The following RBFOX1 variants were observed in gnomAD, a reference collection of about 807,000 sequenced individuals.
RBFOX1 encodes the protein RNA binding protein fox-1 homolog 1.
Under a neutral mutation model 57.7 loss-of-function variants are expected in RBFOX1, and 8 were observed. That is an observed-to-expected ratio of 0.14 (90% confidence interval 0.08 to 0.25). The LOEUF (loss-of-function observed/expected upper bound fraction) is 0.25. Ranked by LOEUF, RBFOX1 falls within the 10% of genes least tolerant of loss-of-function variation. The pLI is 1.00. For missense variants in RBFOX1, 611 were observed against 548.5 expected (o/e 1.11, Z -1.14); for synonymous variants, 326 against 222.4 (o/e 1.47, Z -4.15).
rs527842951 is a variant in RBFOX1, at chr16:7,270,524, T to G, written c.27+218426T>G. 5.9e-5 allele frequency among the ~76,000 whole-genome samples: 9 copies of G among 152,332 alleles called. No individual in the cohort carries two copies. In the East Asian group the frequency reaches 1.7e-3, roughly 29 times the overall value. ...TAAGGGAAGGTACCATTGGGCAGTT[T>G]CAGACCTTCTTGCAATGCAGTGGTG... On this transcript the variant is annotated intron_variant, in intron 4 of 15. Transcript: ENST00000550418.
intron 2 of RBFOX1, among the ~76,000 whole-genome samples, chr16:5,573,906 A>G (rs982834361): frequency 2.6e-5 from 4 of 152,168 alleles, no homozygotes; most frequent in African/African-American, 4.8e-5. Flanking sequence ...GTGAGCTGTG[A>G]TCGCGCCACT....
At chr16:6,791,780 G>C (rs776487957) in intron 3 of RBFOX1, among the ~76,000 whole-genome samples, 2 of 152,046 alleles carry the variant, frequency 1.3e-5, no homozygotes, top group Non-Finnish European at 2.9e-5. Context: ...ATCAAACCAG[G>C]TGCAGGACCC....
At chr16:5,816,556 C>T (rs1358428962) in intron 3 of RBFOX1, among the ~76,000 whole-genome samples, 1 of 152,114 alleles carries the variant, frequency 6.6e-6, no homozygotes, top group East Asian at 1.9e-4. Flanking sequence ...AATCCCAGTA[C>T]TTTGGGAGGT....
chr16:5,285,813 C>T (rs952317207), intron 1 of RBFOX1, among the ~76,000 whole-genome samples: 8 of 152,102 alleles, frequency 5.3e-5, no homozygotes, highest in African/African-American at 1.7e-4. Flanking sequence ...TGCTCTGTCA[C>T]CAGGCTGGAG....
intron 2 of RBFOX1, among the ~76,000 whole-genome samples, chr16:6,438,636 C>G (rs1023765564): frequency 2.6e-5 from 4 of 152,094 alleles, no homozygotes; most frequent in African/African-American, 7.2e-5. Flanking sequence ...CTTATTTGAA[C>G]CCTCTGAGTT....
At chr16:6,795,571 G>C (rs2083816121) in intron 3 of RBFOX1, among the ~76,000 whole-genome samples, 1 of 152,008 alleles carries the variant, frequency 6.6e-6, no homozygotes, top group African/African-American at 2.4e-5. Context: ...TTCAAGACCA[G>C]CCTGGCCAAT....
intron 2 of RBFOX1, among the ~76,000 whole-genome samples, chr16:5,563,985 G>A (rs996294738): frequency 6.6e-6 from 1 of 152,116 alleles, no homozygotes; most frequent in African/African-American, 2.4e-5. Flanking sequence ...ACTGCTCCAA[G>A]TACTCAGTGT....
At chr16:5,821,779 A>T (rs1407047815) in intron 3 of RBFOX1, among the ~76,000 whole-genome samples, 2 of 152,178 alleles carry the variant, frequency 1.3e-5, no homozygotes, top group East Asian at 3.9e-4. Context: ...GTGTTTAGTG[A>T]GGGCTGCCCT....
At chr16:5,411,736 C>T (rs1010726855) in intron 1 of RBFOX1, among the ~76,000 whole-genome samples, 1 of 145,934 alleles carries the variant, frequency 6.9e-6, no homozygotes, top group African/African-American at 2.5e-5. Context: ...CCCATCTGTA[C>T]AAAAAAAAAA....
intron 4 of RBFOX1, among the ~76,000 whole-genome samples, chr16:7,128,745 G>A (rs916303280): frequency 6.6e-5 from 10 of 152,002 alleles, no homozygotes; most frequent in Non-Finnish European, 1.0e-4. Context: ...ATCACAAAGG[G>A]CTAGAACTGG....
Position 6,693,657 on chromosome 16 carries a change from T to G in RBFOX1, c.-16+39007T>G, listed in dbSNP as rs561482469. Among the ~76,000 whole-genome samples the G allele has an allele frequency of 2.0e-5, 3 of 150,208 alleles. No homozygotes were observed. The South Asian group carries it at 6.4e-4, about 32-fold the overall frequency. The stretch of plus-strand genomic sequence containing the variant: ...ACTACCATCACCACCACAATCATCA[T>G]CATCATCCTCATCTGCTACCATCAC... On this transcript the variant is annotated intron_variant, in intron 3 of 15. Transcript: ENST00000550418.
chr16:6,305,274 C>T (rs1317648685), intron 1 of RBFOX1, among the ~76,000 whole-genome samples: 1 of 152,214 alleles, frequency 6.6e-6, no homozygotes, highest in Non-Finnish European at 1.5e-5. Flanking sequence ...CGTACCAATA[C>T]TAACCCTCTC....
At chr16:7,038,071 T>C (rs2045058519) in intron 3 of RBFOX1, among the ~76,000 whole-genome samples, 1 of 151,034 alleles carries the variant, frequency 6.6e-6, no homozygotes, top group Non-Finnish European at 1.5e-5. Context: ...GGTATGTAAA[T>C]CCCCCACTTG....
intron 1 of RBFOX1, among the ~76,000 whole-genome samples, chr16:6,029,090 A>G (rs545000253): frequency 6.6e-6 from 1 of 151,260 alleles, no homozygotes; most frequent in African/African-American, 2.4e-5. Context: ...GTCACTTCTT[A>G]TTTTTTTTTA....
chr16:6,748,271 C>A (rs1047958363), intron 3 of RBFOX1, among the ~76,000 whole-genome samples: 1 of 152,088 alleles, frequency 6.6e-6, no homozygotes, highest in Non-Finnish European at 1.5e-5. Flanking sequence ...CTCTTTCTCT[C>A]TCTCTCTCTC....
At chr16:5,639,721 G>C (rs2048799851) in intron 3 of RBFOX1, among the ~76,000 whole-genome samples, 1 of 152,182 alleles carries the variant, frequency 6.6e-6, no homozygotes, top group Non-Finnish European at 1.5e-5. Flanking sequence ...GTGGGAGGCT[G>C]CTCGGCATTT....
intron 1 of RBFOX1, among the ~76,000 whole-genome samples, chr16:5,404,043 G>A (rs922263603): frequency 4.8e-5 from 7 of 145,370 alleles, no homozygotes; most frequent in Middle Eastern, 3.4e-3. Context: ...GACAGAATGG[G>A]TGGAAAGCAG....
intron 2 of RBFOX1, among the ~76,000 whole-genome samples, chr16:6,409,085 C>T (rs2093375871): frequency 6.6e-6 from 1 of 151,996 alleles, no homozygotes; most frequent in Admixed American, 6.5e-5. Context: ...ACAGTCTCTC[C>T]CTACATACTA....
At chr16:7,184,790 T>C (rs2152546036) in intron 4 of RBFOX1, among the ~76,000 whole-genome samples, 1 of 152,358 alleles carries the variant, frequency 6.6e-6, no homozygotes, top group South Asian at 2.1e-4. Flanking sequence ...TGAATGTTTG[T>C]GCCTCTATGT....
Sources: gnomAD v4.1 joint callset for allele counts (sites outside exome capture counted in the v4.1 genomes callset) on GRCh38, gnomAD v4.1.1 for gene constraint, MANE v1.5 for transcripts, NCBI Gene and HGNC (gene_info 2026-07-23, HGNC 2026-07-21) for gene names.